GRM7: variants seen among roughly 807,000 people sequenced by gnomAD.
GRM7 encodes metabotropic glutamate receptor 7.
A neutral mutation model predicts 84.5 loss-of-function variants in GRM7; 35 were observed. That is an observed-to-expected ratio of 0.41 (90% CI 0.32 to 0.55). GRM7 has a LOEUF of 0.55. GRM7 is among the 20% of genes least tolerant of loss of function. The probability of loss-of-function intolerance (pLI) is 0.19; values close to 1 mark genes in which losing one functional copy is unlikely to be tolerated. For synonymous variants in GRM7, 487 were observed against 455.1 expected, an observed-to-expected ratio of 1.07 and a Z score of -0.89; for missense variants, 1,003 against 1,194.6, an observed-to-expected ratio of 0.84 and a Z score of 2.36.
Position 7,273,998 on chromosome 3 carries a change from A to G in GRM7, c.737-24686A>G, listed in dbSNP as rs548441174. On this transcript the variant is annotated intron_variant, in intron 2 of 9. Transcript: ENST00000357716. ...TTAATGGAACATTTTATATGATTCA[A>G]TTTTCTTTATTAGTATATTGATTAT... 5.3e-5 allele frequency among the ~76,000 whole-genome samples: 8 copies of G among 151,518 alleles called. No homozygotes were observed. In the South Asian group the frequency reaches 6.3e-4, roughly 12 times the overall value.
intron 1 of GRM7, among the ~76,000 whole-genome samples, chr3:7,117,247 G>A (rs969941341): frequency 1.3e-5 from 2 of 152,126 alleles, no homozygotes; most frequent in African/African-American, 2.4e-5. Context: ...CACCTCATGA[G>A]TCAGATGTTG....
chr3:7,027,548 C>CT (rs929307755), intron 1 of GRM7, among the ~76,000 whole-genome samples: 2 of 151,954 alleles, frequency 1.3e-5, no homozygotes, highest in Non-Finnish European at 2.9e-5. Flanking sequence ...TTGCCTTTAC[C>CT]TTTTTTGTTT....
At chr3:7,003,268 A>G (rs1695075520) in intron 1 of GRM7, among the ~76,000 whole-genome samples, 1 of 152,176 alleles carries the variant, frequency 6.6e-6, no homozygotes, top group Non-Finnish European at 1.5e-5. Flanking sequence ...AATAAAGGAT[A>G]AGTCAGTAAG....
chr3:7,645,778 C>A (rs1698608157), intron 8 of GRM7, among the ~76,000 whole-genome samples: 1 of 152,098 alleles, frequency 6.6e-6, no homozygotes, highest in Non-Finnish European at 1.5e-5. Context: ...ACTGAGCTAT[C>A]AGCCTTTGCA....
intron 1 of GRM7, among the ~76,000 whole-genome samples, chr3:6,909,083 A>G (rs966019308): frequency 6.6e-6 from 1 of 152,162 alleles, no homozygotes; most frequent in Non-Finnish European, 1.5e-5. Context: ...TTATGACCCT[A>G]GGTTTAGCTC....
intron 2 of GRM7, among the ~76,000 whole-genome samples, chr3:7,274,041 C>G (rs1698963205): frequency 6.6e-6 from 1 of 151,238 alleles, no homozygotes; most frequent in African/African-American, 2.4e-5. Context: ...TTGCCTTTTA[C>G]TTGGTTTTGG....
At chr3:6,885,575 G>C (rs187053131) in intron 1 of GRM7, among the ~76,000 whole-genome samples, 1 of 152,298 alleles carries the variant, frequency 6.6e-6, no homozygotes, top group Admixed American at 6.5e-5. Flanking sequence ...CCAAAGCCTA[G>C]TCCTGCCTCC....
chr3:6,945,169 G>A lies in GRM7; in HGVS notation c.519+83262G>A, dbSNP rs574575279. On this transcript the variant is annotated intron_variant, in intron 1 of 9. Transcript: ENST00000357716. ...GTTGGTGTGATGCACCCATTAACTC[G>A]TCATTTAGCATTAGTTATATCTCCT... Among the ~76,000 whole-genome samples, 11 of 151,890 alleles carry A rather than the reference G, an allele frequency of 7.2e-5. No individual in the cohort carries two copies. The South Asian group carries it at 2.1e-3, about 29-fold the overall frequency.
chr3:7,646,454 A>G (rs1347163806), intron 8 of GRM7, among the ~76,000 whole-genome samples: 1 of 152,044 alleles, frequency 6.6e-6, no homozygotes, highest in Non-Finnish European at 1.5e-5. Flanking sequence ...AGCCTCCCAA[A>G]GTGCTTGGAT....
intron 9 of GRM7, among the ~76,000 whole-genome samples, chr3:7,703,032 A>G (rs1701278231): frequency 6.6e-6 from 1 of 152,088 alleles, no homozygotes; most frequent in Non-Finnish European, 1.5e-5. Flanking sequence ...ACCTTTTAAC[A>G]TACACCCGTG....
At chr3:6,930,357 G>A (rs1206807754) in intron 1 of GRM7, among the ~76,000 whole-genome samples, 1 of 152,148 alleles carries the variant, frequency 6.6e-6, no homozygotes, top group Non-Finnish European at 1.5e-5. Context: ...AAACTTACTG[G>A]AAGAACATAG....
intron 2 of GRM7, among the ~76,000 whole-genome samples, chr3:7,295,659 T>C (rs1158819922): frequency 1.3e-5 from 2 of 152,186 alleles, no homozygotes. Context: ...CTTGTACATA[T>C]TTTGTTGCCT....
rs1701373581 is a variant in GRM7, at chr3:7,705,968, T to G, written c.2698+25673T>G. Among the ~76,000 whole-genome samples the G allele has an allele frequency of 3.3e-5, 5 of 152,146 alleles. No homozygotes were observed. In the South Asian group the frequency reaches 1.0e-3, roughly 32 times the overall value. ...CTTGGAAATATTTCATAAGTTGAGGTATCAATGTTGGCTTTGAGTACAGAG... is the reference window on the plus strand; with the variant it reads ...CTTGGAAATATTTCATAAGTTGAGGGATCAATGTTGGCTTTGAGTACAGAG... On this transcript the variant is annotated intron_variant, in intron 9 of 9. Transcript: ENST00000357716.
chr3:7,120,622 A>G (rs1227612562), intron 1 of GRM7, among the ~76,000 whole-genome samples: 4 of 152,162 alleles, frequency 2.6e-5, no homozygotes, highest in South Asian at 2.1e-4. Flanking sequence ...TGCCAAAAAT[A>G]TATTCTACAT....
intron 8 of GRM7, among the ~76,000 whole-genome samples, chr3:7,665,526 C>T (rs980820807): frequency 2.6e-5 from 4 of 152,110 alleles, no homozygotes; most frequent in Non-Finnish European, 5.9e-5. Context: ...AACACATAGG[C>T]AAATATGCAC....
chr3:7,229,760 T>TATATATATATATATATATATATA lies in GRM7; in HGVS notation c.737-68924_737-68923insATATATATATATATATATATATA, dbSNP rs68069165. ...ATATATATATATATATATATATATA[T>TATATATATATATATATATATATA]TTTTTTTTTTTTTTGGTTGACAGGT... On this transcript the variant is annotated intron_variant, in intron 2 of 9. Coordinates refer to ENST00000357716, the MANE Select transcript of GRM7 (RefSeq NM_000844.4). 5.5e-4 allele frequency among the ~76,000 whole-genome samples: 13 copies of TATATATATATATATATATATATA among 23,576 alleles called. 1 individual carries two copies. The highest frequency in any genetic ancestry group is 1.7e-3 in the Admixed American group (2 of 1,198). The allele number at this position is 23,576 out of a possible 152,430, so 15.5% of individuals were successfully genotyped here.
intron 8 of GRM7, among the ~76,000 whole-genome samples, chr3:7,602,412 C>T (rs958484977): frequency 1.3e-5 from 2 of 152,136 alleles, no homozygotes; most frequent in African/African-American, 4.8e-5. Context: ...AATTTAGTAT[C>T]CATCTCTCTG....
At chr3:7,310,623 C>T (rs1037066726) in intron 4 of GRM7, among the ~76,000 whole-genome samples, 12 of 152,132 alleles carry the variant, frequency 7.9e-5, no homozygotes, top group African/African-American at 2.4e-4. Flanking sequence ...TGTCTTTTGG[C>T]CCTATCACCT....
chr3:7,334,793 C>A (rs1216157775), intron 4 of GRM7, among the ~76,000 whole-genome samples: 1 of 152,056 alleles, frequency 6.6e-6, no homozygotes, highest in Non-Finnish European at 1.5e-5. Flanking sequence ...ACAAAACAAA[C>A]TTTAAAGCAA....
Sources: allele counts gnomAD v4.1 joint callset (sites outside exome capture counted in the v4.1 genomes callset), GRCh38; gene constraint gnomAD v4.1.1; transcripts MANE v1.5; gene names NCBI Gene and HGNC (gene_info 2026-07-23, HGNC 2026-07-21).